The following KAT2B variants were observed in gnomAD, a reference collection of about 807,000 sequenced individuals.
The protein encoded by KAT2B is histone acetyltransferase KAT2B.
KAT2B carries 36 observed loss-of-function variants against 105.9 expected under a neutral mutation model. That is an observed-to-expected ratio of 0.34 (90% confidence interval 0.26 to 0.45). The LOEUF is 0.45. Among genes scored for constraint, KAT2B ranks in the 20% least tolerant of loss-of-function variants. The pLI is 1.00. For missense variants in KAT2B, 820 were observed against 1,021.6 expected, an observed-to-expected ratio of 0.80 and a Z score of 2.69; for synonymous variants, 397 against 377.9, an observed-to-expected ratio of 1.05 and a Z score of -0.59.
intron 15 of KAT2B, 71 bp from the exon 16 acceptor site, chr3:20,148,172 C>G: frequency 6.9e-7 from 1 of 1,441,318 alleles, no homozygotes; most frequent in Non-Finnish European, 9.7e-7. Flanking sequence ...TAAGAATGAG[C>G]TGAATAGTAA....
chr3:20,126,045 A>G lies in KAT2B; in HGVS notation c.1554A>G (p.Leu518=). The part of the protein sequence containing the change: ...NKKILMWLVG[L]QNVFSHQLPR... ...AGATCCTGATGTGGCTGGTTGGCCT[A>G]CAGAACGTTTTCTCCCACCAGCTGC... Residue 518 remains leucine (L), a synonymous_variant, in exon 10 of 18, where the codon CTA becomes CTG. Coordinates refer to ENST00000263754, the MANE Select transcript of KAT2B (RefSeq NM_003884.5). 2 of 1,614,118 alleles carry G rather than the reference A, an allele frequency of 1.2e-6. No individual in the cohort carries two copies. Among genetic ancestry groups the G allele is most frequent in the Non-Finnish European group, 1.7e-6 (2 of 1,179,988 alleles).
rs1203356282 is a variant in KAT2B, at chr3:20,148,451, G to C, written c.2269G>C (p.Ala757Pro). The stretch of plus-strand genomic sequence containing the variant: ...CATGGAACCTGTGAAGAGAACAGAA[G>C]CTCCAGGATATTATGAAGTTATAAG... ...PFMEPVKRTE[A>P]PGYYEVIRFP... Residue 757 changes from alanine to proline, a missense_variant, in exon 17 of 18, where the codon GCT becomes CCT. Physicochemically the swap from Ala to Pro is conservative, Grantham distance 27. This residue lies in a region of KAT2B where 227 missense variants were observed against 292.9 expected (regional missense o/e 0.77). Transcript: ENST00000263754. 6.2e-7 allele frequency: 1 copy of C among 1,608,832 alleles called. No individual in the cohort carries two copies. The highest frequency in any genetic ancestry group is 1.3e-5 in the African/African-American group (1 of 74,322).
Position 20,146,435 on chromosome 3 carries a change from G to GT in KAT2B, c.2119+6dup. On this transcript the variant is annotated splice_donor_region_variant and intron_variant, in intron 14 of 17. Coordinates refer to ENST00000263754, the MANE Select transcript of KAT2B (RefSeq NM_003884.5). Reference sequence around the variant, plus strand: ...TAGAAAGCATTCCTGGAATTAGTACGTATAGACCTTCTTTTAAAAGCGAAA... The same window carrying GT: ...TAGAAAGCATTCCTGGAATTAGTACGTTATAGACCTTCTTTTAAAAGCGAAA... 6.5e-7 allele frequency: 1 copy of GT among 1,527,016 alleles called. No individual in the cohort carries two copies. The highest frequency in any genetic ancestry group is 9.0e-7 in the Non-Finnish European group (1 of 1,114,532). The allele number at this position is 1,527,016 out of a possible 1,614,324, so 94.6% of individuals were successfully genotyped here.
intron 1 of KAT2B, among the ~76,000 whole-genome samples, chr3:20,068,000 T>G (rs528204160): frequency 7.1e-4 from 104 of 147,164 alleles, no homozygotes; most frequent in South Asian, 1.5e-3. Flanking sequence ...CTTTCTTTCT[T>G]TTTTTTTTGT....
intron 1 of KAT2B, among the ~76,000 whole-genome samples, chr3:20,054,887 G>T (rs751858765): frequency 3.3e-5 from 5 of 152,224 alleles, no homozygotes; most frequent in Non-Finnish European, 7.3e-5. Flanking sequence ...CCGGTTAGGG[G>T]CCTGTGGCCA....
intron 1 of KAT2B, among the ~76,000 whole-genome samples, chr3:20,050,967 G>C (rs909231954): frequency 1.3e-5 from 2 of 152,030 alleles, no homozygotes; most frequent in African/African-American, 4.8e-5. Flanking sequence ...TTGAGAGGCC[G>C]AGGTGGGCAG....
chr3:20,118,389 AG>A (rs1346633987), intron 7 of KAT2B, among the ~76,000 whole-genome samples: 1 of 147,802 alleles, frequency 6.8e-6, no homozygotes, highest in Non-Finnish European at 1.5e-5. Flanking sequence ...TATAAAACTT[AG>A]GGGAAGAGTA....
At chr3:20,110,468 C>T (rs928351325) in intron 5 of KAT2B, among the ~76,000 whole-genome samples, 2 of 151,394 alleles carry the variant, frequency 1.3e-5, no homozygotes, top group East Asian at 1.9e-4. Context: ...TCCAGGAGTT[C>T]GAGACAATCC....
intron 1 of KAT2B, among the ~76,000 whole-genome samples, chr3:20,043,219 T>C (rs1294972563): frequency 1.3e-5 from 2 of 152,176 alleles, no homozygotes; most frequent in Non-Finnish European, 2.9e-5. Context: ...TGTTCATTTT[T>C]ATGTATCCAT....
intron 1 of KAT2B, among the ~76,000 whole-genome samples, chr3:20,048,557 A>G (rs1290843054): frequency 6.6e-6 from 1 of 152,170 alleles, no homozygotes; most frequent in Non-Finnish European, 1.5e-5. Context: ...ATGGAGGGTG[A>G]AATATAAACT....
chr3:20,054,855 G>T (rs180931884), intron 1 of KAT2B, among the ~76,000 whole-genome samples: 2 of 152,192 alleles, frequency 1.3e-5, no homozygotes, highest in Admixed American at 6.6e-5. Flanking sequence ...ATCCCACCTC[G>T]AAAGGAACAC....
At chr3:20,137,270 A>G (rs1356399714) in intron 12 of KAT2B, among the ~76,000 whole-genome samples, 3 of 152,224 alleles carry the variant, frequency 2.0e-5, no homozygotes, top group Non-Finnish European at 4.4e-5. Flanking sequence ...AGAATGAATG[A>G]ATGTCACCTG....
At chr3:20,101,150 G>T in intron 4 of KAT2B, 137 bp from the exon 5 acceptor site, 1 of 670,344 alleles carries the variant, frequency 1.5e-6, no homozygotes, top group South Asian at 2.2e-5. Context: ...TTTCTTTTAG[G>T]GAAAAGGAAG....
intron 1 of KAT2B, among the ~76,000 whole-genome samples, chr3:20,054,737 T>G (rs149337134): frequency 3.2e-4 from 48 of 152,262 alleles, no homozygotes; most frequent in African/African-American, 1.2e-3. Flanking sequence ...AAGCTGGTGT[T>G]GAAACTAGAT....
At chr3:20,105,800 G>GAAA (rs35102951) in intron 5 of KAT2B, among the ~76,000 whole-genome samples, 2 of 94,338 alleles carry the variant, frequency 2.1e-5, no homozygotes, top group Middle Eastern at 5.0e-3. Context: ...GACCCTGTCT[G>GAAA]AAAAAAAAAA....
intron 2 of KAT2B, among the ~76,000 whole-genome samples, chr3:20,090,261 A>G (rs779930508): frequency 2.0e-5 from 3 of 152,160 alleles, no homozygotes; most frequent in Admixed American, 6.5e-5. Context: ...AAGGGTGGGT[A>G]TATTTTTCTT....
In KAT2B at chr3:20,122,800, C is replaced by T. The variant is rs1340770903; in HGVS notation, c.1409C>T (p.Pro470Leu). 2 of 1,609,918 alleles carry T rather than the reference C, an allele frequency of 1.2e-6. No individual in the cohort carries two copies. Among genetic ancestry groups the T allele is most frequent in the East Asian group, 2.2e-5 (1 of 44,816 alleles). ...ACGGACCCTGCAGCAATGCTTGGAC[C>T]AGAGGTCAGCAGGGTAAACCTGGGC... Reference protein sequence around the residue: ...TITDPAAMLGPETNFLSAHSA... With the variant: ...TITDPAAMLGLETNFLSAHSA... Residue 470 changes from proline (P) to leucine (L), a missense_variant, in exon 9 of 18, where the codon CCA becomes CTA. Coordinates refer to ENST00000263754, the MANE Select transcript of KAT2B (RefSeq NM_003884.5).
At chr3:20,042,178 C>T (rs563526454) in intron 1 of KAT2B, among the ~76,000 whole-genome samples, 3 of 152,186 alleles carry the variant, frequency 2.0e-5, no homozygotes, top group African/African-American at 7.2e-5. Flanking sequence ...TGATGCTATG[C>T]TAGTCCACAG....
chr3:20,092,703 G>T (rs757535652), intron 2 of KAT2B, among the ~76,000 whole-genome samples: 41 of 150,420 alleles, frequency 2.7e-4, no homozygotes, highest in Non-Finnish European at 4.3e-4. Context: ...ATCGTTTTTT[G>T]TTGTTGTTGT....
Sources: gnomAD v4.1 joint callset for allele counts (sites outside exome capture counted in the v4.1 genomes callset) on GRCh38, gnomAD v4.1.1 for gene constraint, gnomAD v4.1.1 regional missense constraint, MANE v1.5 for transcripts, NCBI Gene and HGNC (gene_info 2026-07-23, HGNC 2026-07-21) for gene names.